Variants in RABGAP1L observed in about 807,000 individuals in gnomAD.
RABGAP1L encodes the protein rab GTPase-activating protein 1-like.
A neutral mutation model predicts 137.7 loss-of-function variants in RABGAP1L; 63 were observed. The observed-to-expected ratio is 0.46, with a 90% CI of 0.37 to 0.56. The LOEUF (loss-of-function observed/expected upper bound fraction) is 0.56. RABGAP1L is among the 20% of genes least tolerant of loss of function. The probability of loss-of-function intolerance (pLI) is 0.00; values close to 1 mark genes in which losing one functional copy is unlikely to be tolerated. For synonymous variants in RABGAP1L, 431 were observed against 433.7 expected, an observed-to-expected ratio of 0.99 and a Z score of 0.08; for missense variants, 1,095 against 1,244.0, an observed-to-expected ratio of 0.88 and a Z score of 1.80.
At chr1:174,437,569 T>G (rs1383272369) in intron 13 of RABGAP1L, among the ~76,000 whole-genome samples, 2 of 152,104 alleles carry the variant, frequency 1.3e-5, no homozygotes, top group Non-Finnish European at 2.9e-5. Flanking sequence ...TGGGACTATG[T>G]GAGAAGACCA....
At chr1:174,681,328 G>T (rs1429658169) in intron 14 of RABGAP1L, among the ~76,000 whole-genome samples, 1 of 152,158 alleles carries the variant, frequency 6.6e-6, no homozygotes, top group South Asian at 2.1e-4. Flanking sequence ...ACAGATCATG[G>T]TATATTCATA....
rs894555507 is a variant in RABGAP1L at position 174,515,922 on chromosome 1, T to C, written c.1711-121453T>C. On this transcript the variant is annotated intron_variant, in intron 13 of 25. Transcript: ENST00000681986. ...CTATGATATTTGTAACTTAGATCACTTGGAGACATTTCTTAGGTACCGGCT... is the reference window on the plus strand; with the variant it reads ...CTATGATATTTGTAACTTAGATCACCTGGAGACATTTCTTAGGTACCGGCT... Among the ~76,000 whole-genome samples the C allele has an allele frequency of 2.0e-5, 3 of 152,256 alleles. No homozygotes were observed. In the East Asian group the frequency reaches 5.8e-4, roughly 29 times the overall value.
intron 13 of RABGAP1L, among the ~76,000 whole-genome samples, chr1:174,438,723 ACC>A (rs1282045066): frequency 0.013 from 1,447 of 115,514 alleles, 73 homozygotes; most frequent in African/African-American, 0.059. Flanking sequence ...GTCAAAAAAA[ACC>A]CAAAAAAAGT....
chr1:174,528,223 C>G (rs766586679), intron 13 of RABGAP1L, among the ~76,000 whole-genome samples: 3 of 151,580 alleles, frequency 2.0e-5, no homozygotes, highest in African/African-American at 7.3e-5. Flanking sequence ...TTTTTTGCTC[C>G]TTTCTCTTTT....
At chr1:174,543,893 T>G (rs1665732808) in intron 13 of RABGAP1L, among the ~76,000 whole-genome samples, 1 of 152,234 alleles carries the variant, frequency 6.6e-6, no homozygotes, top group African/African-American at 2.4e-5. Context: ...GGTTGAAAAT[T>G]CTTTTCTTTA....
intron 18 of RABGAP1L, among the ~76,000 whole-genome samples, chr1:174,801,883 T>G (rs1377087110): frequency 6.6e-6 from 1 of 152,232 alleles, no homozygotes; most frequent in Non-Finnish European, 1.5e-5. Context: ...TCTACATCTC[T>G]GAGGAATCAG....
At chr1:174,750,634 G>C (rs992213682) in intron 17 of RABGAP1L, among the ~76,000 whole-genome samples, 2 of 152,194 alleles carry the variant, frequency 1.3e-5, no homozygotes, top group African/African-American at 4.8e-5. Context: ...ACCATGAAAG[G>C]ATTTGGAAAG....
chr1:174,377,304 T>A (rs971759494), intron 12 of RABGAP1L, among the ~76,000 whole-genome samples: 1 of 152,330 alleles, frequency 6.6e-6, no homozygotes, highest in East Asian at 1.9e-4. Flanking sequence ...AATTAGTGCA[T>A]TTCCAATAAA....
chr1:174,261,850 G>A (rs1015604708), intron 7 of RABGAP1L, among the ~76,000 whole-genome samples: 5 of 152,114 alleles, frequency 3.3e-5, no homozygotes, highest in East Asian at 1.9e-4. Context: ...GAATTAGTAC[G>A]TTTATGAACT....
intron 11 of RABGAP1L, among the ~76,000 whole-genome samples, chr1:174,340,893 C>T (rs1013204787): frequency 2.6e-5 from 4 of 152,284 alleles, no homozygotes; most frequent in Middle Eastern, 3.4e-3. Flanking sequence ...AGTGTAAAAG[C>T]GTCTCTTTTC....
intron 1 of RABGAP1L, among the ~76,000 whole-genome samples, chr1:174,162,535 A>G (rs887591996): frequency 4.6e-5 from 7 of 152,044 alleles, no homozygotes; most frequent in Non-Finnish European, 8.8e-5. Flanking sequence ...CCAACCTACC[A>G]TTGTCTTCAA....
intron 1 of RABGAP1L, among the ~76,000 whole-genome samples, chr1:174,197,271 T>A (rs60717080): frequency 0.012 from 1,863 of 152,326 alleles, 48 homozygotes; most frequent in African/African-American, 0.043. Context: ...AGAGCCAGGA[T>A]TAAACCCAAG....
intron 13 of RABGAP1L, among the ~76,000 whole-genome samples, chr1:174,508,106 G>A (rs1464036954): frequency 1.3e-5 from 2 of 151,968 alleles, no homozygotes; most frequent in South Asian, 2.1e-4. Context: ...CCCTGATTTC[G>A]CATAATGTGT....
chr1:174,636,861 C>A (rs56106555), intron 13 of RABGAP1L, among the ~76,000 whole-genome samples: 22,026 of 151,882 alleles, frequency 0.15, 5,307 homozygotes, highest in African/African-American at 0.5. Flanking sequence ...CGTGCATAAG[C>A]CATGTATAAA....
At chr1:174,507,499 T>C (rs190471710) in intron 13 of RABGAP1L, among the ~76,000 whole-genome samples, 1 of 152,194 alleles carries the variant, frequency 6.6e-6, no homozygotes, top group Non-Finnish European at 1.5e-5. Context: ...CTTTTTGATA[T>C]AACTGTAATA....
chr1:174,184,532 TA>T (rs1192106510), intron 1 of RABGAP1L, among the ~76,000 whole-genome samples: 5 of 152,198 alleles, frequency 3.3e-5, no homozygotes, highest in Non-Finnish European at 7.3e-5. Flanking sequence ...AATGACATCA[TA>T]AATTTAAATT....
At chr1:174,202,049 A>G (rs1300900467) in intron 1 of RABGAP1L, among the ~76,000 whole-genome samples, 1 of 151,798 alleles carries the variant, frequency 6.6e-6, no homozygotes, top group Admixed American at 6.6e-5. Flanking sequence ...CCAGTCTATC[A>G]TTGTTGGACA....
intron 19 of RABGAP1L, among the ~76,000 whole-genome samples, chr1:174,914,329 G>A (rs1660513719): frequency 6.6e-6 from 1 of 152,130 alleles, no homozygotes; most frequent in Admixed American, 6.5e-5. Flanking sequence ...TTCCGTTTTA[G>A]GGGCACAAGT....
At chr1:174,176,192 G>C (rs1011561363) in intron 1 of RABGAP1L, among the ~76,000 whole-genome samples, 3 of 152,150 alleles carry the variant, frequency 2.0e-5, no homozygotes, top group African/African-American at 7.2e-5. Flanking sequence ...TATCACACCA[G>C]AATTCTACAG....
Sources: gnomAD v4.1 joint callset for allele counts (sites outside exome capture counted in the v4.1 genomes callset) on GRCh38, gnomAD v4.1.1 for gene constraint, MANE v1.5 for transcripts, NCBI Gene and HGNC (gene_info 2026-07-23, HGNC 2026-07-21) for gene names.